HS3ST5: variants seen among roughly 807,000 people sequenced by gnomAD.
The protein encoded by HS3ST5 is heparan sulfate-glucosamine 3-sulfotransferase 5, also known as heparan sulfate glucosamine 3-O-sulfotransferase 5.
In HS3ST5, 10 loss-of-function variants were observed where a neutral mutation model predicts 25.4. That is an observed-to-expected ratio of 0.39 (90% CI 0.24 to 0.67). The LOEUF is 0.67. Ranked by LOEUF, HS3ST5 falls within the 30% of genes least tolerant of loss-of-function variation. HS3ST5 has a pLI of 0.44. For synonymous variants in HS3ST5, 170 were observed against 162.4 expected (o/e 1.05, Z -0.36); for missense variants, 324 against 420.7 (o/e 0.77, Z 2.01).
At chr6:114,165,744 G>A (rs968354013) in intron 3 of HS3ST5, among the ~76,000 whole-genome samples, 4 of 152,188 alleles carry the variant, frequency 2.6e-5, no homozygotes, top group South Asian at 2.1e-4. Context: ...TTAGACTTGC[G>A]CCGGAAATTC....
At chr6:114,295,754 CCATAAAGTAGGT>C (rs1774792366) in intron 1 of HS3ST5, among the ~76,000 whole-genome samples, 1 of 152,134 alleles carries the variant, frequency 6.6e-6, no homozygotes, top group Non-Finnish European at 1.5e-5. Context: ...CCTTGGTGCT[CCATAAAGTAGGT>C]CTACTGTGAC....
intron 3 of HS3ST5, among the ~76,000 whole-genome samples, chr6:114,136,647 G>A (rs1361581813): frequency 1.3e-5 from 2 of 152,140 alleles, no homozygotes; most frequent in African/African-American, 2.4e-5. Context: ...TTGACTGTTG[G>A]CTACTTTAAT....
At chr6:114,242,802 G>A (rs1316345379) in intron 1 of HS3ST5, among the ~76,000 whole-genome samples, 1 of 149,420 alleles carries the variant, frequency 6.7e-6, no homozygotes, top group Non-Finnish European at 1.5e-5. Context: ...GCAGTGAGCC[G>A]AGATTGCGCC....
At chr6:114,340,166 C>A (rs1216682295) in intron 1 of HS3ST5, among the ~76,000 whole-genome samples, 1 of 152,100 alleles carries the variant, frequency 6.6e-6, no homozygotes, top group Non-Finnish European at 1.5e-5. Flanking sequence ...CTGGGCAACA[C>A]CTCCTCACAA....
chr6:114,253,300 A>G (rs2114634948), intron 1 of HS3ST5, among the ~76,000 whole-genome samples: 1 of 152,308 alleles, frequency 6.6e-6, no homozygotes, highest in Admixed American at 6.5e-5. Context: ...TATTTTGCGT[A>G]TTTGGATAGT....
At chr6:114,236,890 T>A (rs941710424) in intron 1 of HS3ST5, among the ~76,000 whole-genome samples, 1 of 152,214 alleles carries the variant, frequency 6.6e-6, no homozygotes, top group African/African-American at 2.4e-5. Flanking sequence ...AAAAGATAGA[T>A]GTCAAAGAAC....
chr6:114,201,365 A>C (rs1781007260), intron 2 of HS3ST5, among the ~76,000 whole-genome samples: 1 of 152,192 alleles, frequency 6.6e-6, no homozygotes. Flanking sequence ...GCTATCACTC[A>C]GGAGTGGGAA....
rs180923355 is a variant in HS3ST5, at chr6:114,332,638, A to G, written c.-339+9557T>C. ...TATAGGTACTGTTGGGGGTGGCGAG[A>G]GAGTGTGTGTCTATGTGTGTGCGTG... On this transcript the variant is annotated intron_variant, in intron 1 of 4. Transcript: ENST00000312719. Among the ~76,000 whole-genome samples the G allele has an allele frequency of 4.6e-5, 7 of 152,134 alleles. No individual in the cohort carries two copies. The East Asian group carries it at 1.4e-3, about 29-fold the overall frequency.
intron 3 of HS3ST5, among the ~76,000 whole-genome samples, chr6:114,145,530 C>A (rs950603311): frequency 3.9e-5 from 6 of 152,134 alleles, no homozygotes; most frequent in African/African-American, 1.4e-4. Context: ...GACACAAAGC[C>A]TGCCTGATTA....
intron 3 of HS3ST5, among the ~76,000 whole-genome samples, chr6:114,117,878 G>A (rs1776607642): frequency 6.6e-6 from 1 of 151,860 alleles, no homozygotes; most frequent in African/African-American, 2.4e-5. Flanking sequence ...GAGTGGCACT[G>A]TGGGCAACGT....
chr6:114,114,993 G>T (rs964472173), intron 3 of HS3ST5, among the ~76,000 whole-genome samples: 16 of 152,164 alleles, frequency 1.1e-4, no homozygotes, highest in African/African-American at 3.9e-4. Context: ...TATTTTTTCT[G>T]CAGCGACCAG....
chr6:114,212,347 T>C (rs1004241316), intron 2 of HS3ST5, among the ~76,000 whole-genome samples: 1 of 152,206 alleles, frequency 6.6e-6, no homozygotes, highest in Non-Finnish European at 1.5e-5. Flanking sequence ...TATGGATACA[T>C]GGTGATGTTG....
chr6:114,118,053 A>G (rs1341258534), intron 3 of HS3ST5, among the ~76,000 whole-genome samples: 1 of 152,218 alleles, frequency 6.6e-6, no homozygotes, highest in East Asian at 1.9e-4. Context: ...TTTGCCTCAC[A>G]TCATAAAGGG....
intron 1 of HS3ST5, among the ~76,000 whole-genome samples, chr6:114,243,201 T>A (rs955835557): frequency 7.9e-5 from 12 of 152,226 alleles, no homozygotes; most frequent in African/African-American, 2.9e-4. Flanking sequence ...CCACTCCAAG[T>A]GGCCCACAGA....
At chr6:114,324,589 T>C (rs1175744132) in intron 1 of HS3ST5, among the ~76,000 whole-genome samples, 1 of 152,216 alleles carries the variant, frequency 6.6e-6, no homozygotes, top group African/African-American at 2.4e-5. Context: ...TCAACATAAA[T>C]TCCCTTGTGC....
At chr6:114,328,579 G>A (rs1158879726) in intron 1 of HS3ST5, among the ~76,000 whole-genome samples, 1 of 152,194 alleles carries the variant, frequency 6.6e-6, no homozygotes, top group African/African-American at 2.4e-5. Context: ...CGTAGCACAA[G>A]CTCAATTCCA....
intron 1 of HS3ST5, among the ~76,000 whole-genome samples, chr6:114,243,297 T>C (rs2114595172): frequency 6.6e-6 from 1 of 152,174 alleles, no homozygotes; most frequent in South Asian, 2.1e-4. Context: ...ACCTAAATGA[T>C]GCAGAAGTGA....
intron 2 of HS3ST5, among the ~76,000 whole-genome samples, 174 bp downstream of exon 2, chr6:114,228,411 A>C (rs565071959): frequency 6.6e-6 from 1 of 152,284 alleles, no homozygotes; most frequent in South Asian, 2.1e-4. Flanking sequence ...CAATTTTTAA[A>C]CATTATGTTT....
chr6:114,233,051 C>T (rs1234385153), intron 1 of HS3ST5, among the ~76,000 whole-genome samples: 1 of 132,912 alleles, frequency 7.5e-6, no homozygotes, highest in Non-Finnish European at 1.6e-5. Flanking sequence ...CCCTAGATGA[C>T]AGACACTCTT....
Sources: allele counts gnomAD v4.1 joint callset (sites outside exome capture counted in the v4.1 genomes callset), GRCh38; gene constraint gnomAD v4.1.1; transcripts MANE v1.5; gene names NCBI Gene and HGNC (gene_info 2026-07-23, HGNC 2026-07-21).